GAS2: variants seen among roughly 807,000 people sequenced by gnomAD.
GAS2 encodes the protein growth arrest specific 2.
In GAS2, 20 loss-of-function variants were observed where a neutral mutation model predicts 37.5. The ratio of observed to expected loss-of-function variants is 0.53; its 90% CI spans 0.37 to 0.77. GAS2 has a LOEUF of 0.77. Among genes scored for constraint, GAS2 ranks in the 30% least tolerant of loss-of-function variants. The probability of loss-of-function intolerance (pLI) is 0.00; values close to 1 mark genes in which losing one functional copy is unlikely to be tolerated. For synonymous variants in GAS2, 144 were observed against 132.2 expected, an observed-to-expected ratio of 1.09 and a Z score of -0.61; for missense variants, 336 against 373.4, an observed-to-expected ratio of 0.90 and a Z score of 0.82.
intron 7 of GAS2, among the ~76,000 whole-genome samples, chr11:22,757,545 T>C (rs746889056): frequency 6.6e-6 from 1 of 152,194 alleles, no homozygotes; most frequent in East Asian, 1.9e-4. Flanking sequence ...TTAACTGTGA[T>C]GTGGTTATTC....
chr11:22,811,522 C>G (rs544505219), intron 7 of GAS2, among the ~76,000 whole-genome samples: 45 of 152,214 alleles, frequency 3.0e-4, no homozygotes, highest in African/African-American at 1.1e-3. Flanking sequence ...CAGAGAGAAG[C>G]CTCCAGACAC....
chr11:22,645,833 T>C (rs1281523155), intron 1 of GAS2, among the ~76,000 whole-genome samples: 1 of 113,402 alleles, frequency 8.8e-6, no homozygotes, highest in African/African-American at 3.4e-5. Flanking sequence ...TCTTTTCTTT[T>C]TCTTTTCTTT....
intron 2 of GAS2, among the ~76,000 whole-genome samples, chr11:22,683,507 C>T (rs747038833): frequency 6.6e-6 from 1 of 152,162 alleles, no homozygotes; most frequent in Non-Finnish European, 1.5e-5. Context: ...CTCAGGTGAT[C>T]TGCCTGTCTT....
intron 7 of GAS2, among the ~76,000 whole-genome samples, chr11:22,774,758 GTT>G (rs1174507798): frequency 1.3e-5 from 2 of 151,654 alleles, no homozygotes; most frequent in Non-Finnish European, 2.9e-5. Context: ...TGCCAGTAGA[GTT>G]TACCTATCGT....
chr11:22,683,130 G>A (rs915440387), intron 2 of GAS2, among the ~76,000 whole-genome samples: 1 of 150,782 alleles, frequency 6.6e-6, no homozygotes, highest in Admixed American at 6.6e-5. Flanking sequence ...TACTTAAAAA[G>A]TAATTTGTTT....
At chr11:22,634,849 G>A (rs751590390) in intron 1 of GAS2, among the ~76,000 whole-genome samples, 5 of 152,142 alleles carry the variant, frequency 3.3e-5, no homozygotes, top group African/African-American at 4.8e-5. Context: ...GTTATAAATG[G>A]CCTTAATGTG....
rs919804537 is a variant in GAS2, at chr11:22,737,748, G to A, written c.453G>A (p.Glu151=). Residue 151 remains glutamate, a synonymous_variant, in exon 5 of 8, where the codon GAG becomes GAA. Coordinates refer to ENST00000454584, the MANE Select transcript of GAS2 (RefSeq NM_001143830.3). ...QPREVCLCLL[E]LGRIAARYGV... is the part of the protein sequence containing the mutation. ...GAGAAGTGTGTCTCTGTCTGCTAGA[G>A]CTTGGCCGGATTGCAGCCAGGTAGG... 1.2e-6 allele frequency: 2 copies of A among 1,614,036 alleles called. No individual in the cohort carries two copies. Among genetic ancestry groups the A allele is most frequent in the Non-Finnish European group, 1.7e-6 (2 of 1,180,012 alleles).
At chr11:22,764,356 C>T (rs112575862) in intron 7 of GAS2, among the ~76,000 whole-genome samples, 2 of 151,894 alleles carry the variant, frequency 1.3e-5, no homozygotes, top group African/African-American at 2.4e-5. Flanking sequence ...GTCAGGAGAT[C>T]GAGACCATCC....
chr11:22,694,472 A>G (rs1424549639), intron 3 of GAS2, among the ~76,000 whole-genome samples: 2 of 152,168 alleles, frequency 1.3e-5, no homozygotes, highest in Non-Finnish European at 2.9e-5. Flanking sequence ...TCATCAACTT[A>G]TTCTTCACCC....
At chr11:22,693,601 T>G (rs895651239) in intron 3 of GAS2, among the ~76,000 whole-genome samples, 1 of 152,322 alleles carries the variant, frequency 6.6e-6, no homozygotes, top group East Asian at 1.9e-4. Flanking sequence ...TTATGACATT[T>G]TTTGAGAATA....
intron 7 of GAS2, among the ~76,000 whole-genome samples, chr11:22,760,263 G>T (rs193265491): frequency 2.5e-3 from 373 of 152,058 alleles, no homozygotes; most frequent in Middle Eastern, 6.8e-3. Context: ...TTACAGGCAT[G>T]AGCCACCGCA....
At chr11:22,627,673 G>T (rs1181128195) in intron 1 of GAS2, among the ~76,000 whole-genome samples, 12 of 151,604 alleles carry the variant, frequency 7.9e-5, no homozygotes. Flanking sequence ...TAATCGGGAG[G>T]TTAAGGCAGG....
chr11:22,759,339 G>T (rs1854242157), intron 7 of GAS2, among the ~76,000 whole-genome samples: 1 of 152,140 alleles, frequency 6.6e-6, no homozygotes, highest in Non-Finnish European at 1.5e-5. Context: ...TTTGTAGACA[G>T]GCTTGTTTAT....
intron 1 of GAS2, among the ~76,000 whole-genome samples, chr11:22,634,629 C>G (rs923475390): frequency 6.6e-6 from 1 of 152,180 alleles, no homozygotes; most frequent in African/African-American, 2.4e-5. Flanking sequence ...GAGGGCCAAA[C>G]TACTGTGAAT....
chr11:22,711,139 CTA>C (rs1272404108), intron 3 of GAS2, among the ~76,000 whole-genome samples: 1 of 152,166 alleles, frequency 6.6e-6, no homozygotes, highest in African/African-American at 2.4e-5. Context: ...GCTGAAAAAA[CTA>C]TGAGTTCCCA....
chr11:22,685,570 G>A (rs1246203562), intron 2 of GAS2, 98 bp from the exon 3 acceptor site: 1 of 1,318,246 alleles, frequency 7.6e-7, no homozygotes, highest in Non-Finnish European at 1.1e-6. Context: ...AACTCAGCTA[G>A]AATAGCAATT....
At chr11:22,734,500 C>T (rs1852646785) in intron 4 of GAS2, among the ~76,000 whole-genome samples, 1 of 151,602 alleles carries the variant, frequency 6.6e-6, no homozygotes, top group Admixed American at 6.6e-5. Flanking sequence ...CAGAGTTTCT[C>T]TCACTGTCTA....
At chr11:22,801,462 A>G (rs1165941674) in intron 7 of GAS2, among the ~76,000 whole-genome samples, 1 of 140,296 alleles carries the variant, frequency 7.1e-6, no homozygotes, top group South Asian at 2.4e-4. Flanking sequence ...TTTTTTTTTT[A>G]TTATTTAATG....
At chr11:22,651,649 C>T (rs1272498796) in intron 1 of GAS2, among the ~76,000 whole-genome samples, 1 of 152,280 alleles carries the variant, frequency 6.6e-6, no homozygotes, top group Admixed American at 6.5e-5. Context: ...AACTTCCCTT[C>T]TTACTTCATT....
Sources: gnomAD v4.1 joint callset for allele counts (sites outside exome capture counted in the v4.1 genomes callset) on GRCh38, gnomAD v4.1.1 for gene constraint, MANE v1.5 for transcripts, NCBI Gene and HGNC (gene_info 2026-07-23, HGNC 2026-07-21) for gene names.